MMP26: variants seen among roughly 807,000 people sequenced by gnomAD.
MMP26 encodes matrix metalloproteinase-26.
In MMP26, 33 loss-of-function variants were observed where a neutral mutation model predicts 31.0. The ratio of observed to expected loss-of-function variants is 1.06; its 90% CI spans 0.81 to 1.42. MMP26 has a LOEUF of 1.42. MMP26 is among the 40% of genes most tolerant of loss of function. The probability of loss-of-function intolerance (pLI) is 0.00; values close to 1 mark genes in which losing one functional copy is unlikely to be tolerated. For missense variants in MMP26, 347 were observed against 316.1 expected (o/e 1.10, Z -0.74); for synonymous variants, 122 against 114.9 (o/e 1.06, Z -0.40).
intron 2 of MMP26, among the ~76,000 whole-genome samples, chr11:4,889,270 C>A (rs1317597787): frequency 6.6e-6 from 1 of 152,038 alleles, no homozygotes; most frequent in African/African-American, 2.4e-5. Context: ...TGCATCTTAC[C>A]TACACACATC....
chr11:4,722,806 C>T (rs1456059088), intron 1 of MMP26: 4 of 971,110 alleles, frequency 4.1e-6, no homozygotes, highest in African/African-American at 1.6e-5. Context: ...TTCACAACCA[C>T]GGCCCTGGTG....
At chr11:4,821,613 C>T (rs557130556) in intron 2 of MMP26, 1 of 1,613,962 alleles carries the variant, frequency 6.2e-7, no homozygotes, top group Non-Finnish European at 8.5e-7. Context: ...TGTACTATTT[C>T]CTCTCTATGC....
At chr11:4,791,393 A>G (rs1424131953) in intron 2 of MMP26, among the ~76,000 whole-genome samples, 1 of 152,128 alleles carries the variant, frequency 6.6e-6, no homozygotes, top group Non-Finnish European at 1.5e-5. Context: ...CCATCATTTA[A>G]GAGAGTTTTA....
chr11:4,946,073 T>C (rs1369392179), intron 2 of MMP26: 4 of 1,214,054 alleles, frequency 3.3e-6, no homozygotes, highest in Non-Finnish European at 4.8e-6. Flanking sequence ...TATGTGTTGA[T>C]AATTCTTGGT....
chr11:4,913,492 C>A (rs1010422687), intron 2 of MMP26: 7 of 152,174 alleles, frequency 4.6e-5, no homozygotes, highest in African/African-American at 1.4e-4. Flanking sequence ...CTCACAGTTA[C>A]CTCCAAGCCC....
intron 2 of MMP26, among the ~76,000 whole-genome samples, chr11:4,775,747 TGAGAGAGAGA>T (rs35696328): frequency 1.0e-4 from 14 of 139,802 alleles, no homozygotes; most frequent in African/African-American, 2.6e-4. Flanking sequence ...AGGAAGTGAG[TGAGAGAGAGA>T]GAGAGAGAGA....
chr11:4,907,588 G>A, intron 2 of MMP26: 3 of 1,613,982 alleles, frequency 1.9e-6, no homozygotes, highest in African/African-American at 1.3e-5. Context: ...ACATGGGCCT[G>A]TCCCTCTCCT....
Position 4,718,314 on chromosome 11 carries a change from A to G in MMP26, c.-217+13269A>G, listed in dbSNP as rs564228651. ...AACAAATATTTGCTGACTACCTACC[A>G]CTTGAAGTCACTTATCAGACATGTG... On this transcript the variant is annotated intron_variant, in intron 1 of 7. Transcript: ENST00000380390. Among the ~76,000 whole-genome samples, 76 of 152,332 alleles carry G rather than the reference A, an allele frequency of 5.0e-4. 3 individuals carry two copies. The South Asian group carries it at 0.015, about 30-fold the overall frequency.
chr11:4,852,991 T>G (rs1849996735), intron 2 of MMP26, among the ~76,000 whole-genome samples: 2 of 152,160 alleles, frequency 1.3e-5, no homozygotes, highest in Admixed American at 6.5e-5. Flanking sequence ...TTGTGTGAAC[T>G]CTAACAAAGT....
chr11:4,817,923 GT>G (rs1027437020), intron 2 of MMP26, among the ~76,000 whole-genome samples: 1 of 152,138 alleles, frequency 6.6e-6, no homozygotes, highest in African/African-American at 2.4e-5. Flanking sequence ...TGGGAGCCAG[GT>G]AAGGTATGAG....
chr11:4,980,919 A>G (rs1564818624), intron 2 of MMP26, among the ~76,000 whole-genome samples: 1 of 152,058 alleles, frequency 6.6e-6, no homozygotes, highest in Non-Finnish European at 1.5e-5. Flanking sequence ...AAATCATAAC[A>G]TAAACATATT....
At chr11:4,848,909 G>A (rs11602455) in intron 2 of MMP26, 626,982 of 1,613,718 alleles carry the variant, frequency 0.39, 128,752 homozygotes, top group Middle Eastern at 0.43. Flanking sequence ...CTGAGGCAGG[G>A]ACAGTGTGAG....
At chr11:4,915,202 C>A in intron 2 of MMP26, 1 of 1,613,940 alleles carries the variant, frequency 6.2e-7, no homozygotes, top group East Asian at 2.2e-5. Context: ...CACTACGACC[C>A]AGAGAGACCA....
At chr11:4,978,930 G>C (rs951370694) in intron 2 of MMP26, among the ~76,000 whole-genome samples, 1 of 152,090 alleles carries the variant, frequency 6.6e-6, no homozygotes, top group Middle Eastern at 3.2e-3. Flanking sequence ...GAATAAGATA[G>C]AATCTACCAG....
intron 2 of MMP26, among the ~76,000 whole-genome samples, chr11:4,809,257 T>G (rs958797158): frequency 4.7e-4 from 72 of 152,200 alleles, no homozygotes; most frequent in Non-Finnish European, 2.4e-4. Context: ...TTTCAAACAC[T>G]ATAACTAAGG....
chr11:4,895,064 G>A (rs1850680462), intron 2 of MMP26, among the ~76,000 whole-genome samples: 1 of 152,042 alleles, frequency 6.6e-6, no homozygotes, highest in African/African-American at 2.4e-5. Context: ...ATTAAAAAGG[G>A]ACTAATGCAT....
In MMP26 at chr11:4,764,856, T is replaced by C. The variant is rs905603820; in HGVS notation, c.-216-2414T>C. 4.0e-5 allele frequency among the ~76,000 whole-genome samples: 6 copies of C among 150,542 alleles called. No homozygotes were observed. In the East Asian group the frequency reaches 7.8e-4, roughly 19 times the overall value. On this transcript the variant is annotated intron_variant, in intron 1 of 7. Coordinates refer to ENST00000380390, the MANE Select transcript of MMP26 (RefSeq NM_021801.5). ...CAGCGCCACTGCACCCCAGCCTGGG[T>C]GACAGAGCGAGACTCCATCACAGAC...
chr11:4,754,301 ATTTC>A (rs1255026803), intron 1 of MMP26, among the ~76,000 whole-genome samples: 1 of 151,910 alleles, frequency 6.6e-6, no homozygotes, highest in East Asian at 1.9e-4. Context: ...GTTAATATTT[ATTTC>A]TTAATAAATA....
chr11:4,910,406 A>G (rs374815518), intron 2 of MMP26, among the ~76,000 whole-genome samples: 6 of 152,244 alleles, frequency 3.9e-5, no homozygotes, highest in East Asian at 3.9e-4. Context: ...ATCATTTTCT[A>G]TGTAAAGTAA....
Sources: gnomAD v4.1 joint callset for allele counts (sites outside exome capture counted in the v4.1 genomes callset) on GRCh38, gnomAD v4.1.1 for gene constraint, MANE v1.5 for transcripts, NCBI Gene and HGNC (gene_info 2026-07-23, HGNC 2026-07-21) for gene names.